KIF1C: variants seen among roughly 807,000 people sequenced by gnomAD.
The protein encoded by KIF1C is kinesin-like protein KIF1C.
In KIF1C, 61 loss-of-function variants were observed where a neutral mutation model predicts 126.5. The observed-to-expected ratio is 0.48, with a 90% CI of 0.39 to 0.60. The LOEUF (loss-of-function observed/expected upper bound fraction) is 0.60. KIF1C is among the 20% of genes least tolerant of loss of function. The pLI, the probability that KIF1C is intolerant of heterozygous loss-of-function variation, is 0.00. For synonymous variants in KIF1C, 640 were observed against 580.6 expected (o/e 1.10, Z -1.47); for missense variants, 1,315 against 1,489.2 (o/e 0.88, Z 1.93).
At position 5,020,768 on chromosome 17, in the gene KIF1C, C is replaced by A. The variant is rs200928947; in HGVS notation, c.1938-38C>A. 75 of 1,599,216 alleles carry A rather than the reference C, an allele frequency of 4.7e-5. No individual in the cohort carries two copies. In the African/African-American group the frequency reaches 8.3e-4, roughly 18 times the overall value. ...GTGTCCTCCTCTTGTCAGATACTCA[C>A]CAAGGTTGCTCTTCCTTCCCTCCCT... On this transcript the variant is annotated intron_variant, in intron 20 of 22. Transcript: ENST00000320785. This position sits in a 1 kb window ranked among gnomAD's most constrained non-coding sequence, Gnocchi z 5.8.
At chr17:5,017,334 CTG>C (rs1974992781) in intron 18 of KIF1C, among the ~76,000 whole-genome samples, 1 of 127,782 alleles carries the variant, frequency 7.8e-6, no homozygotes, top group Admixed American at 9.3e-5. Flanking sequence ...GAGTCTCGCT[CTG>C]TCGCCCAGGC....
At chr17:5,017,452 C>G (rs918655852) in intron 18 of KIF1C, among the ~76,000 whole-genome samples, 19 of 151,868 alleles carry the variant, frequency 1.3e-4, no homozygotes, top group Admixed American at 3.9e-4. Flanking sequence ...GGCGCCCCCC[C>G]ACCACCACAC....
intron 16 of KIF1C, among the ~76,000 whole-genome samples, chr17:5,012,982 C>A (rs938439448): frequency 2.6e-5 from 4 of 152,072 alleles, no homozygotes; most frequent in Admixed American, 1.3e-4. Context: ...CAGCCCCAGG[C>A]GGGTGCTGCA....
chr17:5,001,332 G>T lies in KIF1C; in HGVS notation c.294G>T (p.Gln98His), dbSNP rs749298736. Residue 98 changes from glutamine to histidine, a missense_variant, in exon 5 of 23, where the codon CAG (glutamine) becomes CAT (histidine). Physicochemically the swap from Gln to His is conservative, Grantham distance 24. Coordinates refer to ENST00000320785, the MANE Select transcript of KIF1C (RefSeq NM_006612.6). ...ACGTGTGCATCTTTGCCTATGGGCA[G>T]ACCGGGGCTGGGAAATCCTATACCA... ...GYNVCIFAYG[Q>H]TGAGKSYTMM... The T allele has an allele frequency of 6.2e-7, 1 of 1,614,156 alleles. No homozygotes were observed. The highest frequency in any genetic ancestry group is 1.1e-5 in the South Asian group (1 of 91,076).
intron 16 of KIF1C, 86 bp from the exon 17 acceptor site, chr17:5,013,566 AG>A (rs1974910800): frequency 1.2e-6 from 1 of 863,768 alleles, no homozygotes; most frequent in Non-Finnish European, 1.9e-6. Flanking sequence ...CCAGGACTGG[AG>A]GGGTGTCTCC....
chr17:5,016,690 G>A (rs932688720), intron 18 of KIF1C, among the ~76,000 whole-genome samples: 1 of 151,744 alleles, frequency 6.6e-6, no homozygotes, highest in Non-Finnish European at 1.5e-5. Flanking sequence ...GATCACTTGA[G>A]GTCAGGAGTT....
chr17:5,006,822 A>C (rs946033012), intron 13 of KIF1C, 93 bp from the exon 14 acceptor site: 6 of 1,309,292 alleles, frequency 4.6e-6, no homozygotes, highest in Non-Finnish European at 5.4e-6. Context: ...GTCCTTACAG[A>C]CTGGTCCTCT....
chr17:5,005,312 C>T (rs1040456202), intron 13 of KIF1C, among the ~76,000 whole-genome samples: 1 of 152,228 alleles, frequency 6.6e-6, no homozygotes, highest in African/African-American at 2.4e-5. Context: ...TGTTAAGAGG[C>T]TAGGCTACTG....
chr17:5,003,186 A>G (rs1974645040), intron 8 of KIF1C, among the ~76,000 whole-genome samples: 1 of 152,084 alleles, frequency 6.6e-6, no homozygotes, highest in Non-Finnish European at 1.5e-5. Flanking sequence ...CTGGGATTAC[A>G]GGCATGCGCC....
intron 16 of KIF1C, chr17:5,011,891 G>A (rs1567724442): frequency 6.6e-6 from 1 of 152,230 alleles, no homozygotes; most frequent in Non-Finnish European, 1.5e-5. Context: ...CGCCCTCCTT[G>A]TCCTCAAAGG....
At chr17:5,004,762 A>C in intron 12 of KIF1C, 93 bp from the exon 13 acceptor site, 1 of 1,599,980 alleles carries the variant, frequency 6.3e-7, no homozygotes, top group Admixed American at 1.7e-5. Flanking sequence ...CCTTGCCACA[A>C]TATCTTGAGA....
At position 5,002,042 on chromosome 17, in the gene KIF1C, CCT is replaced by C. The variant is rs1567719767; in HGVS notation, c.364-16_364-15del. On this transcript the variant is annotated splice_polypyrimidine_tract_variant and intron_variant, in intron 5 of 22. Transcript: ENST00000320785. ...CTGAACAGGAGCTTCTCTGTATTTC[CCT>C]GTGTCCCCCTCCAGCTCTGTGAGGA... 2 of 1,613,044 alleles carry C rather than the reference CCT, an allele frequency of 1.2e-6. No homozygotes were observed. The highest frequency in any genetic ancestry group is 1.1e-5 in the South Asian group (1 of 91,060).
rs1189425405 is a variant in KIF1C at position 5,028,366 on chromosome 17, C to T, written c.*4215C>T. 1.3e-5 allele frequency: 2 copies of T among 151,976 alleles called. No homozygotes were observed. The highest frequency in any genetic ancestry group is 2.9e-5 in the Non-Finnish European group (2 of 68,020). The allele number at this position is 151,976 out of a possible 1,614,324, so 9.4% of individuals were successfully genotyped here. A position where few individuals can be genotyped will look rare whatever the true frequency, so the allele number is the denominator to read the frequency against. On this transcript the variant is annotated 3_prime_UTR_variant, in exon 23 of 23. Transcript: ENST00000320785. ...TTTTTGTTGTTGTTGTCACCTGGAACTTTTGTATCTTGAATAAATTTGGGG... is the reference window on the plus strand; with the variant it reads ...TTTTTGTTGTTGTTGTCACCTGGAATTTTTGTATCTTGAATAAATTTGGGG...
In KIF1C at chr17:5,027,055, TTAAAG is replaced by T. The variant is rs1423411323; in HGVS notation, c.*2907_*2911del. The T allele has an allele frequency of 1.3e-5, 2 of 152,264 alleles. No individual in the cohort carries two copies. Among genetic ancestry groups the T allele is most frequent in the East Asian group, 1.9e-4 (1 of 5,204 alleles). 9.4% of individuals were successfully genotyped at this position (152,264 alleles called of 1,614,324 possible). Reference sequence around the variant, plus strand: ...ATTCCATATGCATTTGATTTAGTCTTTAAAGTACCCCGGTAAAATAGGTCTTTTGT... The same window carrying T: ...ATTCCATATGCATTTGATTTAGTCTTTACCCCGGTAAAATAGGTCTTTTGT... On this transcript the variant is annotated 3_prime_UTR_variant, in exon 23 of 23. Coordinates refer to ENST00000320785, the MANE Select transcript of KIF1C (RefSeq NM_006612.6).
intron 18 of KIF1C, among the ~76,000 whole-genome samples, chr17:5,018,073 C>T (rs1431123197): frequency 2.3e-4 from 35 of 152,054 alleles, no homozygotes; most frequent in Non-Finnish European, 5.1e-4. Context: ...CTCAACCTCC[C>T]GGGTTAAAGT....
At chr17:5,015,940 A>T (rs936878784) in intron 18 of KIF1C, among the ~76,000 whole-genome samples, 5 of 150,772 alleles carry the variant, frequency 3.3e-5, no homozygotes, top group Non-Finnish European at 7.4e-5. Context: ...TCTAACACTT[A>T]AAAAAAAATA....
Position 5,020,973 on chromosome 17 carries a change from A to G in KIF1C, c.2010+95A>G. On this transcript the variant is annotated intron_variant, in intron 21 of 22. Transcript: ENST00000320785. This position sits in a 1 kb window ranked among gnomAD's most constrained non-coding sequence, Gnocchi z 5.8. ...GCTCACCGCTGAGCCAGAGTGGGAA[A>G]TGGGCATGGGGGTAAGGGGAAGGGT... The G allele has an allele frequency of 9.2e-7, 1 of 1,090,368 alleles. No homozygotes were observed. The highest frequency in any genetic ancestry group is 1.4e-5 in the South Asian group (1 of 73,850). The allele number at this position is 1,090,368 out of a possible 1,614,324, so 67.5% of individuals were successfully genotyped here.
rs760659714 is a variant in KIF1C at position 5,020,585 on chromosome 17, C to T, written c.1844C>T (p.Pro615Leu). The T allele has an allele frequency of 6.8e-6, 11 of 1,614,136 alleles. No individual in the cohort carries two copies. The highest frequency in any genetic ancestry group is 1.7e-5 in the Admixed American group (1 of 60,010). ...LERERGVPPP[P>L]GPPSEPVDWN... ...CGGGAACGAGGGGTCCCCCCACCCC[C>T]AGGACCGCCCTCTGAGCCAGTCGAC... The change falls in exon 20 of 23, where the codon CCA (proline) becomes CTA (leucine). Residue 615 changes from proline (P) to leucine (L), a missense_variant. Transcript: ENST00000320785. The surrounding 1 kb of genome is among the most constrained non-coding windows in gnomAD (Gnocchi z 5.8).
intron 16 of KIF1C, among the ~76,000 whole-genome samples, chr17:5,013,284 A>C (rs780992695): frequency 4.6e-5 from 7 of 152,078 alleles, no homozygotes; most frequent in Non-Finnish European, 1.0e-4. Context: ...AAGAGAATGC[A>C]GGGGGTCCGG....
Sources: allele counts gnomAD v4.1 joint callset (sites outside exome capture counted in the v4.1 genomes callset), GRCh38; gene constraint gnomAD v4.1.1; non-coding constraint Gnocchi (gnomAD v3.1); transcripts MANE v1.5; gene names NCBI Gene and HGNC (gene_info 2026-07-23, HGNC 2026-07-21).